The following SRGAP3 variants were observed in gnomAD, a reference collection of about 807,000 sequenced individuals.
SRGAP3 encodes SLIT-ROBO Rho GTPase activating protein 3, also known as SLIT-ROBO Rho GTPase-activating protein 3.
In SRGAP3, 39 loss-of-function variants were observed where a neutral mutation model predicts 121.1. That is an observed-to-expected ratio of 0.32 (90% CI 0.25 to 0.42). The LOEUF is 0.42. SRGAP3 is among the 10% of genes least tolerant of loss of function. SRGAP3 has a pLI of 1.00. For synonymous variants in SRGAP3, 601 were observed against 570.0 expected (o/e 1.05, Z -0.77); for missense variants, 1,213 against 1,470.6 (o/e 0.82, Z 2.86).
intron 1 of SRGAP3, among the ~76,000 whole-genome samples, chr3:9,174,754 G>A (rs964655023): frequency 2.2e-4 from 33 of 152,320 alleles, no homozygotes; most frequent in African/African-American, 7.7e-4. Context: ...CCTCCAGGGG[G>A]ACTCCCATTT....
At chr3:9,124,043 T>C (rs1018391285) in intron 2 of SRGAP3, among the ~76,000 whole-genome samples, 5 of 152,056 alleles carry the variant, frequency 3.3e-5, no homozygotes, top group Non-Finnish European at 7.3e-5. Flanking sequence ...TGCCTGTATT[T>C]AATGAGCTGA....
At chr3:9,261,065 T>C (rs1954244759) in intron 3 of SRGAP3, among the ~76,000 whole-genome samples, 1 of 152,202 alleles carries the variant, frequency 6.6e-6, no homozygotes, top group Non-Finnish European at 1.5e-5. Context: ...AAACAGGATC[T>C]GGAGTGGACC....
rs982109284 is a variant in SRGAP3 at position 9,218,577 on chromosome 3, A to G, written c.67+30308T>C. ...AGGTAGAAACTATTTCCCACCGCTG[A>G]TTTAGGAGTACATAAAAGCTGTCTT... On this transcript the variant is annotated intron_variant, in intron 1 of 21. Transcript: ENST00000383836. This position sits in a 1 kb window ranked among gnomAD's most constrained non-coding sequence, Gnocchi z 5.3. 1 of 152,188 alleles carries G rather than the reference A, an allele frequency of 6.6e-6. No homozygotes were observed. Among genetic ancestry groups the G allele is most frequent in the African/African-American group, 2.4e-5 (1 of 41,440 alleles). 9.4% of individuals were successfully genotyped at this position (152,188 alleles called of 1,614,324 possible). A position where few individuals can be genotyped will look rare whatever the true frequency, so the allele number is the denominator to read the frequency against.
chr3:9,122,041 C>T (rs1009705771), intron 2 of SRGAP3, among the ~76,000 whole-genome samples: 3 of 152,180 alleles, frequency 2.0e-5, no homozygotes, highest in African/African-American at 7.2e-5. Context: ...TTTCCAATTG[C>T]GGGTTCACAG....
chr3:9,352,438 T>C (rs2030235301), intron 1 of SRGAP3, among the ~76,000 whole-genome samples: 1 of 152,064 alleles, frequency 6.6e-6, no homozygotes, highest in Admixed American at 6.5e-5. Context: ...TACGCCTGGC[T>C]AATTTTTGTA....
At chr3:9,235,913 T>G (rs1953391294) in intron 1 of SRGAP3, 1 of 153,070 alleles carries the variant, frequency 6.5e-6, no homozygotes, top group Admixed American at 6.5e-5. Context: ...GCTGCACAAT[T>G]AAAAATGGGT....
At chr3:9,126,301 G>C (rs948988998) in intron 1 of SRGAP3, among the ~76,000 whole-genome samples, 9 of 152,306 alleles carry the variant, frequency 5.9e-5, no homozygotes, top group East Asian at 3.9e-4. Flanking sequence ...AAAATGTCGA[G>C]ACATCTGGGT....
chr3:9,058,717 T>C (rs983000939), intron 6 of SRGAP3: 319 of 197,876 alleles, frequency 1.6e-3, no homozygotes, highest in African/African-American at 4.2e-3. Flanking sequence ...TCTCTCTCTT[T>C]TTTTTTTTTT....
At chr3:9,206,835 T>C (rs1210380460) in intron 1 of SRGAP3, among the ~76,000 whole-genome samples, 1 of 152,182 alleles carries the variant, frequency 6.6e-6, no homozygotes, top group East Asian at 1.9e-4. Context: ...CTATCAGTGC[T>C]TAACATCATA....
At chr3:9,052,225 G>C (rs924220375) in intron 9 of SRGAP3, among the ~76,000 whole-genome samples, 3 of 152,206 alleles carry the variant, frequency 2.0e-5, no homozygotes, top group Admixed American at 6.5e-5. Context: ...CTGCCATGTA[G>C]AATTAGCCTC....
chr3:9,132,544 C>G (rs369767812), intron 1 of SRGAP3, among the ~76,000 whole-genome samples: 2 of 152,130 alleles, frequency 1.3e-5, no homozygotes, highest in Non-Finnish European at 2.9e-5. Context: ...CTTCTTTCAC[C>G]TAGCAATATG....
chr3:9,199,314 G>A (rs979722776), intron 1 of SRGAP3, among the ~76,000 whole-genome samples: 5 of 152,192 alleles, frequency 3.3e-5, no homozygotes, highest in Non-Finnish European at 7.3e-5. Context: ...ATTCATAAAT[G>A]CAAATGTGTA....
intron 9 of SRGAP3, among the ~76,000 whole-genome samples, chr3:9,051,586 G>A (rs1166263303): frequency 6.6e-6 from 1 of 152,068 alleles, no homozygotes; most frequent in African/African-American, 2.4e-5. Flanking sequence ...ATGGCAGCAT[G>A]TAGGGAAGAC....
chr3:9,178,386 A>G (rs912835430), intron 1 of SRGAP3, among the ~76,000 whole-genome samples: 1 of 152,224 alleles, frequency 6.6e-6, no homozygotes, highest in African/African-American at 2.4e-5. Flanking sequence ...GGCACTGAGA[A>G]ATGGAAAGAG....
chr3:9,117,806 G>C (rs1236619077), intron 2 of SRGAP3, among the ~76,000 whole-genome samples: 1 of 152,160 alleles, frequency 6.6e-6, no homozygotes, highest in Non-Finnish European at 1.5e-5. Flanking sequence ...AGAAGTGCTA[G>C]TTTGTGAAAT....
chr3:9,046,024 AC>A (rs1051474787), intron 10 of SRGAP3, among the ~76,000 whole-genome samples: 1 of 151,250 alleles, frequency 6.6e-6, no homozygotes, highest in African/African-American at 2.4e-5. Flanking sequence ...CACCCCCTTT[AC>A]CCGCTGGCCC....
intron 10 of SRGAP3, among the ~76,000 whole-genome samples, chr3:9,041,457 T>C (rs1380338751): frequency 1.3e-5 from 2 of 152,258 alleles, no homozygotes; most frequent in Non-Finnish European, 2.9e-5. Flanking sequence ...AAATAATATC[T>C]TTTCCTTCTC....
chr3:9,102,864 A>C (rs1177301354), intron 3 of SRGAP3, among the ~76,000 whole-genome samples: 1 of 152,186 alleles, frequency 6.6e-6, no homozygotes, highest in African/African-American at 2.4e-5. Flanking sequence ...TTCATTTCCT[A>C]AAGGCCTTGA....
chr3:9,087,957 T>C (rs1947573469), intron 3 of SRGAP3, among the ~76,000 whole-genome samples: 1 of 152,134 alleles, frequency 6.6e-6, no homozygotes, highest in South Asian at 2.1e-4. Flanking sequence ...ACAGAGTAAA[T>C]GCTCAGCAAA....
Sources: gnomAD v4.1 joint callset for allele counts (sites outside exome capture counted in the v4.1 genomes callset) on GRCh38, gnomAD v4.1.1 for gene constraint, Gnocchi (gnomAD v3.1) non-coding constraint, MANE v1.5 for transcripts, NCBI Gene and HGNC (gene_info 2026-07-23, HGNC 2026-07-21) for gene names.